The following RASSF3 variants were observed in gnomAD, a reference collection of about 807,000 sequenced individuals.
RASSF3 encodes ras association domain-containing protein 3.
In RASSF3, 19 loss-of-function variants were observed where a neutral mutation model predicts 19.9. The observed-to-expected ratio is 0.96, with a 90% CI of 0.67 to 1.40. RASSF3 has a LOEUF of 1.40. Ranked by LOEUF, RASSF3 falls within the 40% of genes most tolerant of loss-of-function variation. RASSF3 has a pLI of 0.00. For synonymous variants in RASSF3, 110 were observed against 104.2 expected (o/e 1.06, Z -0.34); for missense variants, 306 against 289.8 (o/e 1.06, Z -0.41).
chr12:64,546,429 C>T (rs987966562), downstream of RASSF3, among the ~76,000 whole-genome samples: 3 of 152,012 alleles, frequency 2.0e-5, no homozygotes, highest in Non-Finnish European at 4.4e-5. Flanking sequence ...TGCCACCACG[C>T]CCAGCTAGTT....
intron 1 of RASSF3, among the ~76,000 whole-genome samples, chr12:64,534,736 A>G (rs886535609): frequency 6.6e-6 from 1 of 152,136 alleles, no homozygotes; most frequent in Non-Finnish European, 1.5e-5. Flanking sequence ...GGTGGAATGG[A>G]CTTGGAGAGG....
intron 1 of RASSF3, chr12:64,507,414 T>A (rs1465515644): frequency 2.5e-6 from 1 of 397,242 alleles, no homozygotes; most frequent in African/African-American, 2.1e-5. Flanking sequence ...CTCCCTCGCA[T>A]GGGCAGGGAG....
chr12:64,562,365 A>G lies in RASSF3; in HGVS notation c.294+20660A>G, dbSNP rs942336608. ...TACCCACCGCATTTATCTTGCATAT[A>G]TAAGCTCCTTAGACATCCTGGTTAG... On this transcript the variant is annotated intron_variant, in intron 2 of 5. Coordinates refer to the RASSF3 transcript ENST00000637125. 1.4e-4 allele frequency among the ~76,000 whole-genome samples: 21 copies of G among 152,112 alleles called. 1 individual carries two copies. The highest frequency in any genetic ancestry group is 2.5e-4 in the Non-Finnish European group (17 of 68,014).
At chr12:64,597,645 A>C (rs1201044348) in intron 2 of RASSF3, among the ~76,000 whole-genome samples, 1 of 151,620 alleles carries the variant, frequency 6.6e-6, no homozygotes, top group Non-Finnish European at 1.5e-5. Context: ...TTTAGTAGAG[A>C]TGGGGTTTCA....
chr12:64,530,988 CA>C (rs1258447085), upstream of RASSF3, among the ~76,000 whole-genome samples: 1 of 152,152 alleles, frequency 6.6e-6, no homozygotes, highest in Non-Finnish European at 1.5e-5. Flanking sequence ...TATTTACTTT[CA>C]GTCTCTCGTC....
upstream of RASSF3, among the ~76,000 whole-genome samples, chr12:64,530,412 G>A (rs530717646): frequency 6.6e-6 from 1 of 151,796 alleles, no homozygotes; most frequent in South Asian, 2.1e-4. Context: ...CAAAGTGCTG[G>A]GATTACATAT....
At chr12:64,603,644 G>A (rs1299679462) in intron 2 of RASSF3, among the ~76,000 whole-genome samples, 2 of 152,296 alleles carry the variant, frequency 1.3e-5, no homozygotes, top group African/African-American at 4.8e-5. Context: ...AATCATATTA[G>A]CTAACATCAT....
chr12:64,638,501 AC>A (rs1193287024), intron 1 of RASSF3, among the ~76,000 whole-genome samples: 1 of 150,762 alleles, frequency 6.6e-6, no homozygotes, highest in Non-Finnish European at 1.5e-5. Flanking sequence ...AATGGCGTGA[AC>A]CCAGGAGGCG....
At chr12:64,554,037 AC>A (rs1869211569) in intron 2 of RASSF3, among the ~76,000 whole-genome samples, 1 of 151,532 alleles carries the variant, frequency 6.6e-6, no homozygotes, top group Non-Finnish European at 1.5e-5. Context: ...AGGACTATGC[AC>A]TTTTGGATTA....
upstream of RASSF3, among the ~76,000 whole-genome samples, chr12:64,529,522 G>T (rs1315550591): frequency 6.6e-6 from 1 of 152,192 alleles, no homozygotes; most frequent in Non-Finnish European, 1.5e-5. Flanking sequence ...TGGGCCTAGA[G>T]CTGCTGAGAG....
upstream of RASSF3, among the ~76,000 whole-genome samples, chr12:64,608,113 TCTCA>T (rs1157135116): frequency 2.0e-5 from 3 of 151,718 alleles, no homozygotes; most frequent in African/African-American, 7.3e-5. Flanking sequence ...AGAGAAAAGG[TCTCA>T]CTATGTTGGT....
intron 1 of RASSF3, among the ~76,000 whole-genome samples, chr12:64,653,215 A>G (rs1042228495): frequency 1.3e-5 from 2 of 152,042 alleles, no homozygotes; most frequent in Non-Finnish European, 2.9e-5. Context: ...GACTATAGGC[A>G]TGTGCCACCA....
At position 64,623,398 on chromosome 12, in the gene RASSF3, G is replaced by A. The variant is rs889168462; in HGVS notation, c.111+12655G>A. On this transcript the variant is annotated intron_variant, in intron 1 of 4. Transcript: ENST00000542104. ...AGAAATTTAACTAGCACGTTTATCC[G>A]TTTAGGCCTTAAGCAGATGCAGGTT... Among the ~76,000 whole-genome samples, 11 of 152,156 alleles carry A rather than the reference G, an allele frequency of 7.2e-5. 1 individual carries two copies. The highest frequency in any genetic ancestry group is 2.0e-4 in the Admixed American group (3 of 15,280).
intron 3 of RASSF3, among the ~76,000 whole-genome samples, chr12:64,688,986 C>T (rs536436196): frequency 3.7e-4 from 57 of 152,242 alleles, no homozygotes; most frequent in African/African-American, 1.3e-3. Flanking sequence ...TGGTGTTACG[C>T]CGGGACATTT....
At chr12:64,551,432 C>T (rs1173530717) in intron 2 of RASSF3, among the ~76,000 whole-genome samples, 1 of 151,980 alleles carries the variant, frequency 6.6e-6, no homozygotes, top group Non-Finnish European at 1.5e-5. Context: ...AAAAATTAGC[C>T]GGGCATGGTG....
chr12:64,605,824 G>T (rs1185292421), upstream of RASSF3, among the ~76,000 whole-genome samples: 1 of 149,676 alleles, frequency 6.7e-6, no homozygotes, highest in East Asian at 2.0e-4. Flanking sequence ...GGAGGTGGAG[G>T]TTGCGGTGAG....
At chr12:64,584,503 GA>G (rs11461888) in intron 2 of RASSF3, among the ~76,000 whole-genome samples, 2,142 of 112,686 alleles carry the variant, frequency 0.019, 34 homozygotes, top group African/African-American at 0.053. Context: ...TCCAGGCTAA[GA>G]AAAAAAAAAA....
chr12:64,684,037 T>TGTGTGTGTGTGTG (rs1873241184), intron 1 of RASSF3, among the ~76,000 whole-genome samples: 2 of 145,996 alleles, frequency 1.4e-5, no homozygotes, highest in East Asian at 2.0e-4. Context: ...TGTGTGTGTG[T>TGTGTGTGTGTGTG]TTCAAGGTAA....
At chr12:64,517,983 T>C (rs1486000405) in intron 1 of RASSF3, among the ~76,000 whole-genome samples, 1 of 152,024 alleles carries the variant, frequency 6.6e-6, no homozygotes, top group East Asian at 1.9e-4. Flanking sequence ...CTCTGGGAAG[T>C]GGGGTTGAAG....
Sources: allele counts gnomAD v4.1 joint callset (sites outside exome capture counted in the v4.1 genomes callset), GRCh38; gene constraint gnomAD v4.1.1; transcripts MANE v1.5; gene names NCBI Gene and HGNC (gene_info 2026-07-23, HGNC 2026-07-21).